YJU2B: variants seen among roughly 807,000 people sequenced by gnomAD.
YJU2B encodes YJU2 splicing factor homolog B, also known as probable splicing factor YJU2B.
In YJU2B, 18 loss-of-function variants were observed where a neutral mutation model predicts 38.0. The observed-to-expected ratio is 0.47, with a 90% confidence interval of 0.33 to 0.70. The LOEUF is 0.70. Ranked by LOEUF, YJU2B falls within the 30% of genes least tolerant of loss-of-function variation. YJU2B has a pLI of 0.02. For synonymous variants in YJU2B, 246 were observed against 225.4 expected (o/e 1.09, Z -0.82); for missense variants, 538 against 556.3 (o/e 0.97, Z 0.33).
intron 1 of YJU2B, among the ~76,000 whole-genome samples, chr19:13,748,976 CTCCATCAGAAGCTCT>C (rs1973353114): frequency 6.6e-6 from 1 of 152,340 alleles, no homozygotes; most frequent in Admixed American, 6.5e-5. Context: ...ACCACTCCCA[CTCCATCAGAAGCTCT>C]TCCATCAGCT....
chr19:13,759,610 A>C, intron 8 of YJU2B: 1 of 178,678 alleles, frequency 5.6e-6, no homozygotes, highest in Non-Finnish European at 1.2e-5. Context: ...CTCTAAATAA[A>C]TAAATAATAG....
At chr19:13,754,436 C>T in intron 3 of YJU2B, 94 bp downstream of exon 3, 1 of 1,051,214 alleles carries the variant, frequency 9.5e-7, no homozygotes, top group Non-Finnish European at 1.5e-6. Context: ...GGATGGGTGG[C>T]CCCCAAGGTC....
intron 1 of YJU2B, among the ~76,000 whole-genome samples, chr19:13,749,744 T>TGCCTCAGCCTCCC (rs1177295340): frequency 6.6e-6 from 1 of 151,206 alleles, no homozygotes; most frequent in East Asian, 2.0e-4. Flanking sequence ...GCCATTCTCC[T>TGCCTCAGCCTCCC]GCCTCAGCCT....
Position 13,762,955 on chromosome 19 carries a change from C to T in YJU2B, c.1078C>T (p.Pro360Ser). The change falls in exon 10 of 10, where the codon CCC (proline) becomes TCC (serine). Residue 360 changes from proline to serine, a missense_variant. By Grantham distance (74) the Pro-to-Ser change is moderately conservative (BLOSUM62 -1). This residue lies in a region of YJU2B where 488 missense variants were observed against 469.5 expected (regional missense o/e 1.04). Transcript: ENST00000221554. Reference protein sequence around the residue: ...RGQEGSRQDKPLSPAGSSQEA... With the variant: ...RGQEGSRQDKSLSPAGSSQEA... ...GCAGGAAGGGAGCCGTCAGGACAAG[C>T]CCCTGTCGCCAGCAGGCTCCTCCCA... The T allele has an allele frequency of 6.2e-7, 1 of 1,611,890 alleles. No homozygotes were observed. Among genetic ancestry groups the T allele is most frequent in the Non-Finnish European group, 8.5e-7 (1 of 1,179,640 alleles).
rs1973967508 is a variant in YJU2B at position 13,762,957 on chromosome 19, CCT to C, written c.1081_1082del (p.Leu361ValfsTer11). 2 of 1,611,986 alleles carry C rather than the reference CCT, an allele frequency of 1.2e-6. No homozygotes were observed. The highest frequency in any genetic ancestry group is 1.7e-6 in the Non-Finnish European group (2 of 1,179,662). ...AGGAAGGGAGCCGTCAGGACAAGCC[CCT>C]GTCGCCAGCAGGCTCCTCCCAGGAG... ...GQEGSRQDKPLSPAGSSQEAA... is the reference protein window; with the variant it reads ...GQEGSRQDKPXSPAGSSQEAA... On this transcript the variant is annotated frameshift_variant, in exon 10 of 10. Coordinates refer to ENST00000221554, the MANE Select transcript of YJU2B (RefSeq NM_030818.4). LOFTEE classifies it low-confidence loss of function (END_TRUNC).
chr19:13,745,691 A>ATAGATATC (rs1491305651), upstream of YJU2B, among the ~76,000 whole-genome samples: 37 of 58,716 alleles, frequency 6.3e-4, no homozygotes, highest in African/African-American at 2.4e-3. Context: ...AGATAGATAG[A>ATAGATATC]TATAGATATA....
intron 5 of YJU2B, 66 bp from the exon 6 acceptor site, chr19:13,757,720 T>C: frequency 6.7e-7 from 1 of 1,501,696 alleles, no homozygotes; most frequent in Non-Finnish European, 9.3e-7. Context: ...TCTTTGTACC[T>C]CATTTTACCC....
rs184268947 is a variant in YJU2B, at chr19:13,735,822, G to A, written c.-202+3537G>A. 4.1e-3 allele frequency among the ~76,000 whole-genome samples: 617 copies of A among 152,168 alleles called. 3 individuals carry two copies. Among genetic ancestry groups the A allele is most frequent in the African/African-American group, 0.014 (575 of 41,494 alleles). ...AATCCCAGCACTTTGGGAAGCCAAG[G>A]CGGGCGGATCACGAGGTCAGGAGAT... On this transcript the variant is annotated intron_variant, in intron 2 of 10. Transcript: ENST00000586600.
In YJU2B at chr19:13,760,480, G is replaced by A. The variant is rs114191538; in HGVS notation, c.573+1208G>A. 1.2e-3 allele frequency among the ~76,000 whole-genome samples: 177 copies of A among 152,266 alleles called. 1 individual carries two copies. Among genetic ancestry groups the A allele is most frequent in the African/African-American group, 4.1e-3 (169 of 41,546 alleles). ...CCTCACATCTTTTAACACTGTCAACGTTGAGGATTAAGCTTCAACATATCA... is the reference window on the plus strand; with the variant it reads ...CCTCACATCTTTTAACACTGTCAACATTGAGGATTAAGCTTCAACATATCA... On this transcript the variant is annotated intron_variant, in intron 8 of 9. Transcript: ENST00000221554.
At chr19:13,742,444 A>G (rs1449123064) in intron 2 of YJU2B, among the ~76,000 whole-genome samples, 3 of 152,080 alleles carry the variant, frequency 2.0e-5, no homozygotes, top group Non-Finnish European at 4.4e-5. Flanking sequence ...CTGGCATTAC[A>G]AGTCTCACAT....
chr19:13,752,031 C>T (rs1423085308), intron 2 of YJU2B, among the ~76,000 whole-genome samples: 2 of 152,146 alleles, frequency 1.3e-5, no homozygotes, highest in South Asian at 2.1e-4. Context: ...TTGAGACAGT[C>T]TCACTTTGTT....
At chr19:13,744,991 T>C (rs953124108), upstream of YJU2B, among the ~76,000 whole-genome samples, 10 of 87,122 alleles carry the variant, frequency 1.1e-4, no homozygotes, top group Admixed American at 2.1e-4. Context: ...AGACTCCGTC[T>C]CAAAAAAAAA....
At chr19:13,741,752 CA>C (rs1314142147) in intron 2 of YJU2B, among the ~76,000 whole-genome samples, 1 of 151,894 alleles carries the variant, frequency 6.6e-6, no homozygotes, top group African/African-American at 2.4e-5. Context: ...CAAAACAAAA[CA>C]AAACAAAAGA....
chr19:13,740,655 GC>G (rs1265933110), intron 2 of YJU2B, among the ~76,000 whole-genome samples: 1 of 152,058 alleles, frequency 6.6e-6, no homozygotes. Flanking sequence ...TCCTGCCTCA[GC>G]CTCCCGAATA....
chr19:13,745,686 G>GATAGATAGATAGATAGATAGATAGAT (rs1555699815), upstream of YJU2B, among the ~76,000 whole-genome samples: 2 of 96,272 alleles, frequency 2.1e-5, no homozygotes, highest in African/African-American at 8.9e-5. Context: ...TAGATAGATA[G>GATAGATAGATAGATAGATAGATAGAT]ATAGATATAG....
intron 1 of YJU2B, among the ~76,000 whole-genome samples, chr19:13,751,267 T>C (rs1404630906): frequency 1.3e-5 from 2 of 151,954 alleles, no homozygotes; most frequent in Non-Finnish European, 2.9e-5. Flanking sequence ...AATACAAAAT[T>C]AGCTGGGTGT....
At chr19:13,756,754 C>A (rs1973682192) in intron 4 of YJU2B, among the ~76,000 whole-genome samples, 1 of 152,226 alleles carries the variant, frequency 6.6e-6, no homozygotes, top group East Asian at 1.9e-4. Flanking sequence ...GCAGGTGGAT[C>A]ACTTGAGACC....
upstream of YJU2B, among the ~76,000 whole-genome samples, chr19:13,747,453 A>G (rs1973282881): frequency 6.6e-6 from 1 of 152,242 alleles, no homozygotes; most frequent in South Asian, 2.1e-4. Context: ...CCGGGGCAAC[A>G]TAGTAAGACC....
chr19:13,732,730 C>T (rs1160687950), intron 2 of YJU2B: 1 of 151,184 alleles, frequency 6.6e-6, no homozygotes, highest in Non-Finnish European at 1.5e-5. Context: ...CTGCCTTAGC[C>T]TCCCAGTAGC....
Sources: allele counts gnomAD v4.1 joint callset (sites outside exome capture counted in the v4.1 genomes callset), GRCh38; gene constraint gnomAD v4.1.1; regional missense constraint gnomAD v4.1.1; transcripts MANE v1.5; gene names NCBI Gene and HGNC (gene_info 2026-07-23, HGNC 2026-07-21).